TNFAIP2: variants seen among roughly 807,000 people sequenced by gnomAD.
TNFAIP2 encodes TNF alpha induced protein 2, also known as tumor necrosis factor alpha-induced protein 2.
A neutral mutation model predicts 63.5 loss-of-function variants in TNFAIP2; 47 were observed. The ratio of observed to expected loss-of-function variants is 0.74; its 90% CI spans 0.59 to 0.94. The LOEUF (loss-of-function observed/expected upper bound fraction) is 0.94. Ranked by LOEUF, TNFAIP2 falls within the 40% of genes least tolerant of loss-of-function variation. The probability of loss-of-function intolerance (pLI) is 0.00; values close to 1 mark genes in which losing one functional copy is unlikely to be tolerated. For synonymous variants in TNFAIP2, 405 were observed against 390.2 expected (o/e 1.04, Z -0.45); for missense variants, 787 against 850.2 (o/e 0.93, Z 0.92).
At position 103,127,823 on chromosome 14, in the gene TNFAIP2, C is replaced by T. The variant is rs557255737; in HGVS notation, c.860+194C>T. ...TGGACAGGCAGAGACTGGGCCTGGA[C>T]ACAGGGATAAGGCTGGGGCTGGGTC... On this transcript the variant is annotated intron_variant, in intron 3 of 11. Coordinates refer to ENST00000560869, the MANE Select transcript of TNFAIP2 (RefSeq NM_006291.4). The surrounding 1 kb of genome is among the most constrained non-coding windows in gnomAD (Gnocchi z 5.1). Among the ~76,000 whole-genome samples, 1 of 152,262 alleles carries T rather than the reference C, an allele frequency of 6.6e-6. No homozygotes were observed. The highest frequency in any genetic ancestry group is 1.9e-4 in the East Asian group (1 of 5,190).
Position 103,136,545 on chromosome 14 carries a change from G to C in TNFAIP2, c.*1185G>C, listed in dbSNP as rs972323392. The C allele has an allele frequency of 6.7e-6, 1 of 149,818 alleles. No homozygotes were observed. Among genetic ancestry groups the C allele is most frequent in the African/African-American group, 2.5e-5 (1 of 40,502 alleles). 9.3% of individuals were successfully genotyped at this position (149,818 alleles called of 1,614,324 possible). ...CTTTTTTTTTTTTTTTTTTGAGACA[G>C]GGTCTTGCTGTGTTGCCCAGGCTGG... On this transcript the variant is annotated 3_prime_UTR_variant, in exon 12 of 12. Transcript: ENST00000560869.
chr14:103,129,763 TG>T lies in TNFAIP2; in HGVS notation c.886del (p.Val296TrpfsTer33). The T allele has an allele frequency of 6.2e-7, 1 of 1,613,978 alleles. No individual in the cohort carries two copies. The highest frequency in any genetic ancestry group is 8.5e-7 in the Non-Finnish European group (1 of 1,179,944). On this transcript the variant is annotated frameshift_variant, in exon 4 of 12. Coordinates refer to ENST00000560869, the MANE Select transcript of TNFAIP2 (RefSeq NM_006291.4). LOFTEE classifies it high-confidence loss of function. The part of the protein sequence containing the change: ...YPNDIINSPK[L>X]VGELQGMGLG... Reference sequence around the variant, plus strand: ...AGTGACATCATCAACAGCCCCAAGCTGGTGGGTGAGCTGCAGGGTATGGGGC... The same window carrying T: ...AGTGACATCATCAACAGCCCCAAGCTGTGGGTGAGCTGCAGGGTATGGGGC...
At chr14:103,132,339 T>C (rs1158651656) in intron 8 of TNFAIP2, among the ~76,000 whole-genome samples, 2 of 152,182 alleles carry the variant, frequency 1.3e-5, no homozygotes, top group Non-Finnish European at 1.5e-5. Flanking sequence ...CTCTTCCCGG[T>C]GTCAGGGACT....
intron 1 of TNFAIP2, among the ~76,000 whole-genome samples, chr14:103,125,312 G>A (rs1052548990): frequency 2.0e-5 from 3 of 152,212 alleles, no homozygotes; most frequent in Admixed American, 2.0e-4. Context: ...ATGGTCAGGT[G>A]CTGGGCAGGG....
rs759376214 is a variant in TNFAIP2, at chr14:103,133,433, C to T, written c.1617C>T (p.Val539=). Residue 539 remains valine, a synonymous_variant, in exon 10 of 12, where the codon GTC becomes GTT. Transcript: ENST00000560869. ...TCCAACTCAGCAAGGGGCGCCTGGT[C>T]CTCAAGACGGCCGAGCAGCAGCAGC... ...YIIQLSKGRL[V]LKTAEQQQQL... The T allele has an allele frequency of 6.8e-6, 11 of 1,614,004 alleles. No homozygotes were observed. The highest frequency in any genetic ancestry group is 1.1e-5 in the South Asian group (1 of 91,088).
intron 8 of TNFAIP2, 175 bp from the exon 9 acceptor site, chr14:103,132,574 TG>T (rs1179106739): frequency 3.3e-6 from 3 of 903,918 alleles, no homozygotes; most frequent in Non-Finnish European, 5.2e-6. Context: ...TCCCACTTCC[TG>T]TCTGTGAGCA....
intron 1 of TNFAIP2, among the ~76,000 whole-genome samples, 192 bp from the exon 2 acceptor site, chr14:103,126,118 G>A (rs1471729700): frequency 6.6e-6 from 1 of 152,224 alleles, no homozygotes; most frequent in Non-Finnish European, 1.5e-5. Context: ...GCTGTAGATG[G>A]TGAGATGCTC....
At position 103,135,775 on chromosome 14, in the gene TNFAIP2, C is replaced by A. The variant is rs1434709567; in HGVS notation, c.*415C>A. On this transcript the variant is annotated 3_prime_UTR_variant, in exon 12 of 12. Transcript: ENST00000560869. This position sits in a 1 kb window ranked among gnomAD's most constrained non-coding sequence, Gnocchi z 7.6. ...AGGGCCCTCTTCAGCTCTCTGGAGA[C>A]AGGGGCCGAGCCTCACCCATCTGCC... 1.6e-6 allele frequency: 2 copies of A among 1,288,768 alleles called. No homozygotes were observed. Among genetic ancestry groups the A allele is most frequent in the African/African-American group, 3.0e-5 (2 of 65,940 alleles). 79.8% of individuals were successfully genotyped at this position (1,288,768 alleles called of 1,614,324 possible). A position where few individuals can be genotyped will look rare whatever the true frequency, so the allele number is the denominator to read the frequency against.
chr14:103,126,942 C>G, intron 2 of TNFAIP2, 63 bp from the exon 3 acceptor site: 1 of 1,310,468 alleles, frequency 7.6e-7, no homozygotes, highest in African/African-American at 1.6e-5. Context: ...CCGCTTGGCG[C>G]TGGCCGCCCC....
intron 3 of TNFAIP2, among the ~76,000 whole-genome samples, chr14:103,128,132 G>A (rs1002472141): frequency 5.3e-5 from 8 of 152,196 alleles, no homozygotes; most frequent in African/African-American, 1.9e-4. Flanking sequence ...CAGGAGGCAG[G>A]AGGAGGGGTG....
upstream of TNFAIP2, chr14:103,122,585 AC>A (rs1187753729): frequency 6.8e-6 from 3 of 443,248 alleles, no homozygotes; most frequent in Non-Finnish European, 1.4e-5. Flanking sequence ...CACATGCCCC[AC>A]CCCCACATCT....
In TNFAIP2 at chr14:103,131,253, G is replaced by C; in HGVS notation, c.1298+103G>C. 1 of 1,278,522 alleles carries C rather than the reference G, an allele frequency of 7.8e-7. No individual in the cohort carries two copies. The highest frequency in any genetic ancestry group is 1.1e-6 in the Non-Finnish European group (1 of 892,490). 79.2% of individuals were successfully genotyped at this position (1,278,522 alleles called of 1,614,324 possible). On this transcript the variant is annotated intron_variant, in intron 7 of 11. Transcript: ENST00000560869. The surrounding 1 kb of genome is among the most constrained non-coding windows in gnomAD (Gnocchi z 4.0). Reference sequence around the variant, plus strand: ...GAGGAGCTGCTTAGGCCAAGAAGTGGAATTCAAACCAGCAACATGTGTGAG... The same window carrying C: ...GAGGAGCTGCTTAGGCCAAGAAGTGCAATTCAAACCAGCAACATGTGTGAG...
At position 103,132,812 on chromosome 14, in the gene TNFAIP2, CA is replaced by C; in HGVS notation, c.1486del (p.Ile496SerfsTer4). The C allele has an allele frequency of 6.2e-7, 1 of 1,614,118 alleles. No homozygotes were observed. The highest frequency in any genetic ancestry group is 8.5e-7 in the Non-Finnish European group (1 of 1,179,964). ...AAPVETLENI[I>X]ATVDTRLPEF... ...CCCCTGTGGAGACCCTGGAAAACAT[CA>C]TCGCCACTGTAGACACGAGGCTGCC... is the stretch of plus-strand genomic sequence containing the variant. On this transcript the variant is annotated frameshift_variant, in exon 9 of 12. Transcript: ENST00000560869. LOFTEE classifies it high-confidence loss of function.
intron 2 of TNFAIP2, 121 bp downstream of exon 2, chr14:103,126,813 C>A: frequency 7.5e-7 from 1 of 1,329,150 alleles, no homozygotes; most frequent in Non-Finnish European, 1.0e-6. Context: ...GTCTGTCTCC[C>A]TGCTTTCACC....
At chr14:103,130,183 C>A (rs369456764) in intron 5 of TNFAIP2, 59 bp downstream of exon 5, 108 of 1,581,504 alleles carry the variant, frequency 6.8e-5, no homozygotes, top group Non-Finnish European at 9.1e-5. Flanking sequence ...GGGAGCCCCA[C>A]GCACATTCCG....
At position 103,126,630 on chromosome 14, in the gene TNFAIP2, G is replaced by A. The variant is rs150708249; in HGVS notation, c.173G>A (p.Ser58Asn). Residue 58 changes from serine to asparagine, a missense_variant, in exon 2 of 12, where the codon AGC (serine) becomes AAC (asparagine). Around this residue, in one of 3 missense-constraint regions of TNFAIP2, gnomAD observed 258 missense variants for 228.9 expected, o/e 1.13. Coordinates refer to ENST00000560869, the MANE Select transcript of TNFAIP2 (RefSeq NM_006291.4). ...GGGAAGAAGAAGAAGGGTCAGCCCA[G>A]CTCAGCGGAGCCCGAGGACGCAGCC... ...TKGKKKKGQP[S>N]SAEPEDAAGS... 1 of 1,554,550 alleles carries A rather than the reference G, an allele frequency of 6.4e-7. No homozygotes were observed. The highest frequency in any genetic ancestry group is 1.4e-5 in the African/African-American group (1 of 73,722).
chr14:103,135,133 C>A lies in TNFAIP2; in HGVS notation c.1824-86C>A. On this transcript the variant is annotated intron_variant, in intron 11 of 11. Coordinates refer to ENST00000560869, the MANE Select transcript of TNFAIP2 (RefSeq NM_006291.4). The surrounding 1 kb of genome is among the most constrained non-coding windows in gnomAD (Gnocchi z 7.6). ...CGTGGGCCGGGCGTTGGCTGTCGGGCCCTGTGGCACTGGCCGGGAGTGCAG... is the reference window on the plus strand; with the variant it reads ...CGTGGGCCGGGCGTTGGCTGTCGGGACCTGTGGCACTGGCCGGGAGTGCAG... 1 of 1,571,108 alleles carries A rather than the reference C, an allele frequency of 6.4e-7. No individual in the cohort carries two copies. The highest frequency in any genetic ancestry group is 8.7e-7 in the Non-Finnish European group (1 of 1,143,644).
chr14:103,131,610 G>T lies in TNFAIP2; in HGVS notation c.1299-29G>T. 1 of 1,572,542 alleles carries T rather than the reference G, an allele frequency of 6.4e-7. No individual in the cohort carries two copies. Among genetic ancestry groups the T allele is most frequent in the South Asian group, 1.1e-5 (1 of 87,568 alleles). ...ATGGGGCTATAGGCTGAGCAGGGCTGGGGTGACCTCTCTGCCTCCACCTTC... is the reference window on the plus strand; with the variant it reads ...ATGGGGCTATAGGCTGAGCAGGGCTTGGGTGACCTCTCTGCCTCCACCTTC... On this transcript the variant is annotated intron_variant, in intron 7 of 11. Transcript: ENST00000560869. This position sits in a 1 kb window ranked among gnomAD's most constrained non-coding sequence, Gnocchi z 4.0.
At position 103,133,579 on chromosome 14, in the gene TNFAIP2, T is replaced by G. The variant is rs1382658235; in HGVS notation, c.1701+62T>G. The G allele has an allele frequency of 2.3e-5, 36 of 1,591,252 alleles. No homozygotes were observed. In the East Asian group the frequency reaches 7.6e-4, roughly 34 times the overall value. ...ATGGCTGCCTCTTCTCCCCTAGCCC[T>G]TTCAGGGTCGGAGATAGGCCGCTGG... On this transcript the variant is annotated intron_variant, in intron 10 of 11. Transcript: ENST00000560869.
Sources: gnomAD v4.1 joint callset for allele counts (sites outside exome capture counted in the v4.1 genomes callset) on GRCh38, gnomAD v4.1.1 for gene constraint, gnomAD v4.1.1 regional missense constraint, Gnocchi (gnomAD v3.1) non-coding constraint, MANE v1.5 for transcripts, NCBI Gene and HGNC (gene_info 2026-07-23, HGNC 2026-07-21) for gene names.